Variants in PHKB observed in about 807,000 individuals in gnomAD.
PHKB encodes phosphorylase kinase regulatory subunit beta.
PHKB carries 122 observed loss-of-function variants against 152.1 expected under a neutral mutation model. That is an observed-to-expected ratio of 0.80 (90% CI 0.69 to 0.93). PHKB has a LOEUF of 0.93. Among genes scored for constraint, PHKB ranks in the 40% least tolerant of loss-of-function variants. The probability of loss-of-function intolerance (pLI) is 0.00; values close to 1 mark genes in which losing one functional copy is unlikely to be tolerated. For synonymous variants in PHKB, 436 were observed against 464.9 expected (o/e 0.94, Z 0.80); for missense variants, 1,304 against 1,328.4 (o/e 0.98, Z 0.29).
At chr16:47,655,972 A>G (rs187597310) in intron 20 of PHKB, among the ~76,000 whole-genome samples, 1 of 152,142 alleles carries the variant, frequency 6.6e-6, no homozygotes, top group East Asian at 1.9e-4. Context: ...CAGAAATTAT[A>G]GGAGAAAGAG....
At chr16:47,667,457 A>G (rs1597163808) in intron 25 of PHKB, among the ~76,000 whole-genome samples, 1 of 152,132 alleles carries the variant, frequency 6.6e-6, no homozygotes, top group East Asian at 1.9e-4. Flanking sequence ...AAAAATACAA[A>G]AACTCCTAAG....
chr16:47,540,910 C>T (rs1971046127), intron 6 of PHKB, among the ~76,000 whole-genome samples: 1 of 148,046 alleles, frequency 6.8e-6, no homozygotes, highest in African/African-American at 2.5e-5. Flanking sequence ...TCACCACAAC[C>T]TCTGCCTCCT....
At chr16:47,573,016 C>T (rs1412471170) in intron 7 of PHKB, among the ~76,000 whole-genome samples, 3 of 152,114 alleles carry the variant, frequency 2.0e-5, no homozygotes, top group Non-Finnish European at 4.4e-5. Context: ...ATACTGGATG[C>T]GTACCCATTG....
chr16:47,649,118 A>G lies in PHKB; in HGVS notation c.1711A>G (p.Lys571Glu). The G allele has an allele frequency of 6.2e-7, 1 of 1,602,302 alleles. No homozygotes were observed. Residue 571 changes from lysine (K) to glutamate (E), a missense_variant, in exon 18 of 31, where the codon AAG becomes GAG. Lys to Glu is a moderately conservative substitution (Grantham distance 56). Coordinates refer to ENST00000323584, the MANE Select transcript of PHKB (RefSeq NM_000293.3). ...GTSKIYRILG[K>E]TVVCYPIIFD... is the part of the protein sequence containing the mutation. The stretch of plus-strand genomic sequence containing the variant: ...CTTACAGATTTATCGCATTCTAGGA[A>G]AGACTGTGGTTTGTTACCCGATTAT...
intron 16 of PHKB, among the ~76,000 whole-genome samples, chr16:47,645,164 G>A (rs1364314639): frequency 1.3e-5 from 2 of 151,304 alleles, no homozygotes; most frequent in African/African-American, 2.4e-5. Flanking sequence ...GTTGTAGGTT[G>A]CCTGTTCACT....
chr16:47,642,202 C>G (rs1249249020), intron 16 of PHKB, among the ~76,000 whole-genome samples: 1 of 152,026 alleles, frequency 6.6e-6, no homozygotes, highest in Non-Finnish European at 1.5e-5. Flanking sequence ...TCACTACTTT[C>G]CTTTTTTTCT....
chr16:47,487,038 T>A (rs934830666), intron 1 of PHKB, among the ~76,000 whole-genome samples: 1 of 152,210 alleles, frequency 6.6e-6, no homozygotes, highest in Non-Finnish European at 1.5e-5. Context: ...AATTAGAGAA[T>A]CATTAATGAA....
chr16:47,547,184 T>A (rs1971186440), intron 6 of PHKB, among the ~76,000 whole-genome samples: 1 of 152,160 alleles, frequency 6.6e-6, no homozygotes, highest in Non-Finnish European at 1.5e-5. Context: ...CCGTCTTCTG[T>A]GTTGATCATG....
chr16:47,548,024 G>A (rs1263223280), intron 7 of PHKB: 2 of 171,582 alleles, frequency 1.2e-5, no homozygotes, highest in Non-Finnish European at 2.5e-5. Context: ...TTACCAGTAA[G>A]GTGTGTGATC....
intron 25 of PHKB, chr16:47,665,669 T>A (rs1474767998): frequency 1.9e-6 from 1 of 518,308 alleles, no homozygotes; most frequent in East Asian, 3.5e-5. Context: ...TTAGGTTTTC[T>A]TTTTTTGCTT....
intron 26 of PHKB, among the ~76,000 whole-genome samples, chr16:47,683,558 C>A (rs188011070): frequency 6.6e-6 from 1 of 152,182 alleles, no homozygotes; most frequent in Non-Finnish European, 1.5e-5. Flanking sequence ...TAGGACCCTC[C>A]GAGCCAGGTG....
intron 26 of PHKB, chr16:47,675,534 C>CTG (rs1973715364): frequency 6.6e-6 from 1 of 151,926 alleles, no homozygotes; most frequent in African/African-American, 2.4e-5. Flanking sequence ...CTCTCTCTCT[C>CTG]TCTCTCTCTC....
At chr16:47,623,419 T>A (rs1972651258) in intron 14 of PHKB, among the ~76,000 whole-genome samples, 1 of 151,884 alleles carries the variant, frequency 6.6e-6, no homozygotes, top group African/African-American at 2.4e-5. Flanking sequence ...ATTTCTTTTA[T>A]CCCTTTGTGT....
At chr16:47,612,074 A>G (rs940858238) in intron 14 of PHKB, among the ~76,000 whole-genome samples, 6 of 152,228 alleles carry the variant, frequency 3.9e-5, no homozygotes, top group African/African-American at 1.4e-4. Flanking sequence ...GTGTCGTGTC[A>G]ACAAAACAAG....
chr16:47,547,035 G>A (rs1455523519), intron 6 of PHKB, among the ~76,000 whole-genome samples: 1 of 152,160 alleles, frequency 6.6e-6, no homozygotes, highest in Non-Finnish European at 1.5e-5. Context: ...CTAGGAAAGG[G>A]AAATTCCCTG....
At chr16:47,614,592 T>C (rs1972484387) in intron 14 of PHKB, among the ~76,000 whole-genome samples, 1 of 152,244 alleles carries the variant, frequency 6.6e-6, no homozygotes. Flanking sequence ...TTATCAAAAG[T>C]GCAGTGGTAT....
chr16:47,585,457 G>C (rs1265205051), intron 8 of PHKB, among the ~76,000 whole-genome samples: 2 of 152,158 alleles, frequency 1.3e-5, no homozygotes, highest in East Asian at 1.9e-4. Context: ...TAATGTGTCT[G>C]ATTATTTAAA....
At chr16:47,553,075 G>A (rs910320024) in intron 7 of PHKB, among the ~76,000 whole-genome samples, 10 of 151,968 alleles carry the variant, frequency 6.6e-5, no homozygotes, top group African/African-American at 2.2e-4. Context: ...ATTTGAATTT[G>A]TTCAGTCTTG....
chr16:47,594,022 G>A, intron 11 of PHKB, 115 bp from the exon 12 acceptor site: 1 of 636,808 alleles, frequency 1.6e-6, no homozygotes, highest in South Asian at 1.9e-5. Context: ...TTTTACCATT[G>A]GCATAGAAAA....
Sources: allele counts gnomAD v4.1 joint callset (sites outside exome capture counted in the v4.1 genomes callset), GRCh38; gene constraint gnomAD v4.1.1; transcripts MANE v1.5; gene names NCBI Gene and HGNC (gene_info 2026-07-23, HGNC 2026-07-21).